Variants in SOCS2 observed in about 807,000 individuals in gnomAD.
SOCS2 encodes the protein CIS-2.
SOCS2 carries 10 observed loss-of-function variants against 18.6 expected under a neutral mutation model. The observed-to-expected ratio is 0.54, with a 90% CI of 0.33 to 0.91. The LOEUF (loss-of-function observed/expected upper bound fraction) is 0.91. SOCS2 is among the 40% of genes least tolerant of loss of function. The probability of loss-of-function intolerance (pLI) is 0.02; values close to 1 mark genes in which losing one functional copy is unlikely to be tolerated. For missense variants in SOCS2, 231 were observed against 247.2 expected, an observed-to-expected ratio of 0.93 and a Z score of 0.44; for synonymous variants, 104 against 104.0, an observed-to-expected ratio of 1.00 and a Z score of 0.00.
At chr12:93,572,664 C>T (rs1396335510), upstream of SOCS2, 2 of 709,052 alleles carry the variant, frequency 2.8e-6, no homozygotes, top group Admixed American at 2.0e-5. This position sits in a 1 kb window ranked among gnomAD's most constrained non-coding sequence, Gnocchi z 5.0. Context: ...ACTGACCCAA[C>T]CTCCCGCTTT....
chr12:93,614,975 T>C, the SOCS2 span, among the ~76,000 whole-genome samples: 1 of 151,918 alleles, frequency 6.6e-6, no homozygotes, highest in South Asian at 2.1e-4. Flanking sequence ...TAAGGGTCAT[T>C]GAGCAGCCGG....
At chr12:93,598,505 G>A in the SOCS2 span, among the ~76,000 whole-genome samples, 6 of 152,142 alleles carry the variant, frequency 3.9e-5, no homozygotes, top group South Asian at 2.1e-4. Context: ...GAGTTAGGAC[G>A]CTGTTTCCAT....
chr12:93,586,606 T>C (rs1954586149), downstream of SOCS2, among the ~76,000 whole-genome samples: 1 of 152,240 alleles, frequency 6.6e-6, no homozygotes. Flanking sequence ...ACAGTTATGC[T>C]CTACTACATT....
At position 93,574,834 on chromosome 12, in the gene SOCS2, ATC is replaced by A; in HGVS notation, c.254_255del (p.Ser85CysfsTer2). 1.2e-6 allele frequency: 2 copies of A among 1,614,232 alleles called. No homozygotes were observed. The highest frequency in any genetic ancestry group is 3.3e-5 in the Admixed American group (2 of 60,026). ...CGCATTCAGACTACCTACTAACAAT[ATC>A]TGTTAAAACATCAGCTGGACCAACT... ...SSHSDYLLTISVKTSAGPTNL... is the reference protein window; with the variant it reads ...SSHSDYLLTIXVKTSAGPTNL... On this transcript the variant is annotated frameshift_variant, in exon 2 of 2. Transcript: ENST00000551556. LOFTEE classifies it high-confidence loss of function.
chr12:93,572,860 G>T lies in SOCS2; in HGVS notation c.-38G>T, dbSNP rs1042762360. 24 of 1,558,834 alleles carry T rather than the reference G, an allele frequency of 1.5e-5. No homozygotes were observed. The highest frequency in any genetic ancestry group is 2.0e-5 in the Non-Finnish European group (23 of 1,150,918). On this transcript the variant is annotated 5_prime_UTR_variant, in exon 1 of 2. Transcript: ENST00000551556. This position sits in a 1 kb window ranked among gnomAD's most constrained non-coding sequence, Gnocchi z 5.0. The stretch of plus-strand genomic sequence containing the variant: ...GCGAACCCTTCTCTGACCCCAGCTC[G>T]GGCGGCCACCTGTCTTTGCCGCGGT...
chr12:93,594,007 A>T, the SOCS2 span, among the ~76,000 whole-genome samples: 2 of 152,202 alleles, frequency 1.3e-5, no homozygotes. Flanking sequence ...GCCAGCAGGA[A>T]GAGAGGGGAG....
At chr12:93,573,381 G>A (rs1158413326) in intron 1 of SOCS2, 4 of 482,056 alleles carry the variant, frequency 8.3e-6, no homozygotes, top group African/African-American at 6.0e-5. Flanking sequence ...CTTTGCACGG[G>A]GTGCAATCAG....
At chr12:93,581,820 T>C (rs757402369) in intron 1 of SOCS2, among the ~76,000 whole-genome samples, 2 of 152,200 alleles carry the variant, frequency 1.3e-5, no homozygotes, top group Non-Finnish European at 2.9e-5. Context: ...ATGGAGAGGA[T>C]GGGGACTAAC....
At chr12:93,595,537 G>A in the SOCS2 span, among the ~76,000 whole-genome samples, 76 of 152,208 alleles carry the variant, frequency 5.0e-4, no homozygotes, top group African/African-American at 1.6e-3. Context: ...GCTTTTCTTC[G>A]GCCAACTGAA....
At chr12:93,589,216 C>A in the SOCS2 span, among the ~76,000 whole-genome samples, 11 of 152,164 alleles carry the variant, frequency 7.2e-5, no homozygotes, top group African/African-American at 2.2e-4. Context: ...TTGCAGTCTG[C>A]GACCCCATCA....
chr12:93,598,710 A>C, the SOCS2 span, among the ~76,000 whole-genome samples: 19 of 152,176 alleles, frequency 1.2e-4, no homozygotes, highest in East Asian at 2.9e-3. Flanking sequence ...CAGTATAACA[A>C]ATTTTCTTTA....
the SOCS2 span, among the ~76,000 whole-genome samples, chr12:93,607,665 A>G: frequency 1.3e-5 from 2 of 152,348 alleles, no homozygotes; most frequent in South Asian, 4.1e-4. Context: ...AACCCTTTGT[A>G]ATCAAAATCA....
chr12:93,601,556 G>T, the SOCS2 span, among the ~76,000 whole-genome samples: 1 of 152,062 alleles, frequency 6.6e-6, no homozygotes, highest in African/African-American at 2.4e-5. Flanking sequence ...TGATCTGCCC[G>T]CCTCAGCCTC....
chr12:93,600,366 A>G, the SOCS2 span, among the ~76,000 whole-genome samples: 1 of 151,228 alleles, frequency 6.6e-6, no homozygotes, highest in Non-Finnish European at 1.5e-5. Flanking sequence ...CACCAGTGCC[A>G]TTCTTTTGTA....
the SOCS2 span, among the ~76,000 whole-genome samples, chr12:93,601,163 A>G: frequency 7.5e-5 from 11 of 147,260 alleles, no homozygotes; most frequent in Non-Finnish European, 1.6e-4. Context: ...ATATGGGATC[A>G]CTATTGATTT....
the SOCS2 span, among the ~76,000 whole-genome samples, chr12:93,604,545 T>C: frequency 0.27 from 41,649 of 152,106 alleles, 5,963 homozygotes; most frequent in African/African-American, 0.34. Flanking sequence ...GAAAAAAAAC[T>C]GTGGTGGGTA....
upstream of SOCS2, chr12:93,572,639 A>T (rs1202106353): frequency 1.5e-6 from 1 of 666,420 alleles, no homozygotes; most frequent in Admixed American, 2.1e-5. This position sits in a 1 kb window ranked among gnomAD's most constrained non-coding sequence, Gnocchi z 5.0. Flanking sequence ...CCCCAGCCGC[A>T]GGGGTCCAGT....
At chr12:93,619,010 G>A in the SOCS2 span, among the ~76,000 whole-genome samples, 1 of 152,174 alleles carries the variant, frequency 6.6e-6, no homozygotes, top group Non-Finnish European at 1.5e-5. Context: ...TAACTGAAGG[G>A]AATTTGAGAA....
the SOCS2 span, among the ~76,000 whole-genome samples, chr12:93,589,072 G>A: frequency 1.6e-4 from 24 of 152,212 alleles, no homozygotes; most frequent in Admixed American, 4.6e-4. Flanking sequence ...ATTATTTACC[G>A]TACAGCATGG....
Sources: gnomAD v4.1 joint callset for allele counts (sites outside exome capture counted in the v4.1 genomes callset) on GRCh38, gnomAD v4.1.1 for gene constraint, Gnocchi (gnomAD v3.1) non-coding constraint, MANE v1.5 for transcripts, NCBI Gene and HGNC (gene_info 2026-07-23, HGNC 2026-07-21) for gene names.